CAMSAP2: variants seen among roughly 807,000 people sequenced by gnomAD.
CAMSAP2 encodes calmodulin regulated spectrin associated protein family member 2, also known as calmodulin-regulated spectrin-associated protein 2.
In CAMSAP2, 26 loss-of-function variants were observed where a neutral mutation model predicts 146.1. That is an observed-to-expected ratio of 0.18 (90% CI 0.13 to 0.25). The LOEUF is 0.25. Ranked by LOEUF, CAMSAP2 falls within the 10% of genes least tolerant of loss-of-function variation. The pLI, the probability that CAMSAP2 is intolerant of heterozygous loss-of-function variation, is 1.00. For missense variants in CAMSAP2, 1,381 were observed against 1,759.3 expected, an observed-to-expected ratio of 0.78 and a Z score of 3.85; for synonymous variants, 499 against 596.6, an observed-to-expected ratio of 0.84 and a Z score of 2.38.
At position 200,745,390 on chromosome 1, in the gene CAMSAP2, G is replaced by GT. The variant is rs941380966; in HGVS notation, c.139+5435dup. On this transcript the variant is annotated intron_variant, in intron 1 of 16. Coordinates refer to ENST00000358823, the MANE Select transcript of CAMSAP2 (RefSeq NM_203459.4). The stretch of plus-strand genomic sequence containing the variant: ...AGACACACTATTGTGATCTAAAAAG[G>GT]TTTTTTTTTTTGTATGTTGAAGTAC... 3.4e-3 allele frequency among the ~76,000 whole-genome samples: 498 copies of GT among 144,838 alleles called. 5 individuals carry two copies. The highest frequency in any genetic ancestry group is 6.0e-3 in the African/African-American group (237 of 39,556).
At chr1:200,780,381 A>G (rs183381255) in intron 2 of CAMSAP2, among the ~76,000 whole-genome samples, 46 of 152,316 alleles carry the variant, frequency 3.0e-4, no homozygotes, top group African/African-American at 1.0e-3. Flanking sequence ...GTAAAGATTG[A>G]CAATTTTATG....
At position 200,859,843 on chromosome 1, in the gene CAMSAP2, T is replaced by TA. The variant is rs1434259457; in HGVS notation, c.*1790dup. On this transcript the variant is annotated 3_prime_UTR_variant, in exon 17 of 17. Coordinates refer to ENST00000358823, the MANE Select transcript of CAMSAP2 (RefSeq NM_203459.4). ...ATACACGTTTAGATTAAAACTAGTT[T>TA]AAAAAATTATAAATGAATCTAATCA... 1.3e-5 allele frequency: 2 copies of TA among 152,214 alleles called. No individual in the cohort carries two copies. Among genetic ancestry groups the TA allele is most frequent in the African/African-American group, 2.4e-5 (1 of 41,466 alleles). 9.4% of individuals were successfully genotyped at this position (152,214 alleles called of 1,614,324 possible).
At chr1:200,741,928 C>T (rs1664190339) in intron 1 of CAMSAP2, among the ~76,000 whole-genome samples, 1 of 152,158 alleles carries the variant, frequency 6.6e-6, no homozygotes, top group Admixed American at 6.5e-5. Flanking sequence ...GTTAACTTTC[C>T]TACTATCACA....
chr1:200,769,213 T>A (rs1190735724), intron 2 of CAMSAP2, among the ~76,000 whole-genome samples: 1 of 152,172 alleles, frequency 6.6e-6, no homozygotes, highest in East Asian at 1.9e-4. Context: ...TCTTGTATTT[T>A]TTACCTAATA....
Position 200,782,782 on chromosome 1 carries a change from C to CTTTTT in CAMSAP2, c.399+21706_399+21710dup, listed in dbSNP as rs57995961. On this transcript the variant is annotated intron_variant, in intron 2 of 16. Transcript: ENST00000358823. ...TTTAGACATGTATTTTCATTTCTCT[C>CTTTTT]TTTTTTTTTTTTTTTTTTTTTTTTT... 2.6e-4 allele frequency among the ~76,000 whole-genome samples: 19 copies of CTTTTT among 72,284 alleles called. 1 individual carries two copies. The highest frequency in any genetic ancestry group is 1.2e-3 in the Admixed American group (7 of 5,990). The allele number at this position is 72,284 out of a possible 152,430, so 47.4% of individuals were successfully genotyped here.
At chr1:200,759,142 G>C (rs1664727763) in intron 1 of CAMSAP2, among the ~76,000 whole-genome samples, 1 of 151,062 alleles carries the variant, frequency 6.6e-6, no homozygotes, top group African/African-American at 2.4e-5. Flanking sequence ...TTTCCCACAT[G>C]AACTCTTCTC....
chr1:200,754,848 C>CT (rs1664606009), intron 1 of CAMSAP2, among the ~76,000 whole-genome samples: 1 of 152,126 alleles, frequency 6.6e-6, no homozygotes, highest in African/African-American at 2.4e-5. Context: ...TCCCAAAGTG[C>CT]TGGGATTACA....
At chr1:200,802,634 A>C (rs1571771103) in intron 2 of CAMSAP2, among the ~76,000 whole-genome samples, 1 of 152,322 alleles carries the variant, frequency 6.6e-6, no homozygotes, top group East Asian at 1.9e-4. Flanking sequence ...CATAGTAGGC[A>C]GTCTAGCCAC....
At chr1:200,855,270 A>G (rs1667721243) in intron 14 of CAMSAP2, among the ~76,000 whole-genome samples, 1 of 152,134 alleles carries the variant, frequency 6.6e-6, no homozygotes. Context: ...AGTTTTCCCC[A>G]TTAGAATAAT....
chr1:200,842,166 T>G, intron 7 of CAMSAP2, 79 bp downstream of exon 7: 2 of 1,047,514 alleles, frequency 1.9e-6, no homozygotes, highest in East Asian at 4.8e-5. Flanking sequence ...CTGGTTACAT[T>G]TTTAGAAATC....
At chr1:200,753,820 G>A (rs1476092288) in intron 1 of CAMSAP2, among the ~76,000 whole-genome samples, 1 of 151,994 alleles carries the variant, frequency 6.6e-6, no homozygotes, top group Non-Finnish European at 1.5e-5. Flanking sequence ...CCACTACCAC[G>A]ACCACCAGTT....
chr1:200,809,430 A>G (rs980724592), intron 3 of CAMSAP2, among the ~76,000 whole-genome samples: 10 of 149,304 alleles, frequency 6.7e-5, no homozygotes, highest in African/African-American at 9.7e-5. Context: ...GTATTAGTCC[A>G]TTTTCTTCTT....
Position 200,849,933 on chromosome 1 carries a change from A to G in CAMSAP2, c.3164A>G (p.His1055Arg). 6.2e-7 allele frequency: 1 copy of G among 1,614,204 alleles called. No homozygotes were observed. Among genetic ancestry groups the G allele is most frequent in the Non-Finnish European group, 8.5e-7 (1 of 1,180,024 alleles). Residue 1055 changes from histidine (H) to arginine (R), a missense_variant, in exon 11 of 17, where the codon CAT (histidine) becomes CGT (arginine). Around this residue, in one of 4 missense-constraint regions of CAMSAP2, gnomAD observed 560 missense variants for 715.9 expected, o/e 0.78. Coordinates refer to ENST00000358823, the MANE Select transcript of CAMSAP2 (RefSeq NM_203459.4). The surrounding 1 kb of genome is among the most constrained non-coding windows in gnomAD (Gnocchi z 6.3). The part of the protein sequence containing the change: ...ESKGTLEQRG[H>R]NPEEKEIKPF... ...AAAGGGACTTTGGAACAGCGTGGAC[A>G]TAATCCAGAAGAAAAGGAAATCAAA...
chr1:200,774,044 A>G (rs1558171014), intron 2 of CAMSAP2, among the ~76,000 whole-genome samples: 1 of 152,236 alleles, frequency 6.6e-6, no homozygotes, highest in Non-Finnish European at 1.5e-5. Context: ...ATAGTGCTAT[A>G]GAACAGTGGA....
At chr1:200,833,899 A>G (rs1180848308) in intron 6 of CAMSAP2, among the ~76,000 whole-genome samples, 1 of 152,154 alleles carries the variant, frequency 6.6e-6, no homozygotes, top group Non-Finnish European at 1.5e-5. Flanking sequence ...ATTATATATA[A>G]TTGTTCTGTA....
chr1:200,778,889 A>T (rs1665356242), intron 2 of CAMSAP2, among the ~76,000 whole-genome samples: 2 of 152,208 alleles, frequency 1.3e-5, no homozygotes, highest in African/African-American at 4.8e-5. Flanking sequence ...GAGCAGATAA[A>T]ATCCAAAGAA....
rs183598876 is a variant in CAMSAP2 at position 200,796,807 on chromosome 1, G to A, written c.400-10569G>A. Among the ~76,000 whole-genome samples the A allele has an allele frequency of 3.4e-3, 513 of 151,846 alleles. 4 individuals are homozygous for A. The highest frequency in any genetic ancestry group is 0.012 in the African/African-American group (493 of 41,354). On this transcript the variant is annotated intron_variant, in intron 2 of 16. Transcript: ENST00000358823. ...TCTAGCATTAGGTATATCTCCCAAT[G>A]CTATCCCTCCCCTCTCCCCCCACCC...
chr1:200,852,684 G>T lies in CAMSAP2; in HGVS notation c.3602+7G>T, dbSNP rs941095770. 6 of 1,610,194 alleles carry T rather than the reference G, an allele frequency of 3.7e-6. No individual in the cohort carries two copies. The highest frequency in any genetic ancestry group is 5.1e-6 in the Non-Finnish European group (6 of 1,179,032). On this transcript the variant is annotated splice_region_variant and intron_variant, in intron 12 of 16. Transcript: ENST00000358823. ...ATAAGAAGGAGGAAACAAGGTAAAG[G>T]AAATTGCTGGCCCAGTGCTAGATCT...
At chr1:200,764,185 C>T (rs1664878705) in intron 2 of CAMSAP2, among the ~76,000 whole-genome samples, 1 of 151,982 alleles carries the variant, frequency 6.6e-6, no homozygotes. Context: ...TGTTTAATTG[C>T]ACTGAATATA....
Sources: gnomAD v4.1 joint callset for allele counts (sites outside exome capture counted in the v4.1 genomes callset) on GRCh38, gnomAD v4.1.1 for gene constraint, gnomAD v4.1.1 regional missense constraint, Gnocchi (gnomAD v3.1) non-coding constraint, MANE v1.5 for transcripts, NCBI Gene and HGNC (gene_info 2026-07-23, HGNC 2026-07-21) for gene names.